Variants in ZNF517 observed in about 807,000 individuals in gnomAD.
The protein encoded by ZNF517 is zinc finger protein 517.
Under a neutral mutation model 12.1 loss-of-function variants are expected in ZNF517, and 12 were observed. The ratio of observed to expected loss-of-function variants is 0.99; its 90% confidence interval spans 0.63 to 1.61. ZNF517 has a LOEUF of 1.61. Among genes scored for constraint, ZNF517 ranks in the 40% most tolerant of loss-of-function variants. The probability of loss-of-function intolerance (pLI) is 0.00; values close to 1 mark genes in which losing one functional copy is unlikely to be tolerated. For missense variants in ZNF517, 781 were observed against 693.2 expected (o/e 1.13, Z -1.42); for synonymous variants, 388 against 310.2 (o/e 1.25, Z -2.63).
downstream of ZNF517, among the ~76,000 whole-genome samples, chr8:144,813,315 CAAAAAA>C (rs55851018): frequency 1.9e-5 from 2 of 103,914 alleles, no homozygotes; most frequent in Non-Finnish European, 1.9e-5. Flanking sequence ...GACTCTGTCT[CAAAAAA>C]AAAAAAAAAA....
chr8:144,800,726 C>CT, intron 1 of ZNF517: 1 of 981,632 alleles, frequency 1.0e-6, no homozygotes, highest in Non-Finnish European at 1.2e-6. Context: ...ATTCACGAAT[C>CT]TGTCTGATCC....
At chr8:144,806,565 A>G (rs1189651809) in intron 4 of ZNF517, among the ~76,000 whole-genome samples, 1 of 151,818 alleles carries the variant, frequency 6.6e-6, no homozygotes, top group East Asian at 1.9e-4. Flanking sequence ...GCTCACTGCA[A>G]CCTCCGCTTC....
chr8:144,801,774 G>A (rs1468288837), intron 1 of ZNF517, among the ~76,000 whole-genome samples: 1 of 152,190 alleles, frequency 6.6e-6, no homozygotes, highest in Non-Finnish European at 1.5e-5. Flanking sequence ...GCTCACACCT[G>A]TAATCCCAGC....
chr8:144,808,087 A>G lies in ZNF517; in HGVS notation c.1171A>G (p.Thr391Ala). The G allele has an allele frequency of 6.2e-7, 1 of 1,611,256 alleles. No homozygotes were observed. The highest frequency in any genetic ancestry group is 1.1e-5 in the South Asian group (1 of 90,874). ...GCTGCTGCTGCACCTGCGCCTACAC[A>G]CGGGCGAGAAGCCGTTCGAGTGCGC... ...SLLLLHLRLH[T>A]GEKPFECAEC... Residue 391 changes from threonine to alanine, a missense_variant, in exon 5 of 5, where the codon ACG becomes GCG. By Grantham distance (58) the Thr-to-Ala change is moderately conservative. Coordinates refer to ENST00000359971, the MANE Select transcript of ZNF517 (RefSeq NM_213605.3).
chr8:144,811,033 G>C (rs890746326), downstream of ZNF517: 2 of 152,312 alleles, frequency 1.3e-5, no homozygotes, highest in South Asian at 2.1e-4. Context: ...GCCTGGAGCC[G>C]TGAGGCCTTG....
In ZNF517 at chr8:144,807,810, C is replaced by T. The variant is rs528903804; in HGVS notation, c.894C>T (p.Phe298=). ...PFACTECGKA[F]CRRFTLNEHG... Reference sequence around the variant, plus strand: ...CGTGCACAGAGTGCGGCAAGGCGTTCTGCCGCAGGTTCACCCTCAACGAGC... The same window carrying T: ...CGTGCACAGAGTGCGGCAAGGCGTTTTGCCGCAGGTTCACCCTCAACGAGC... The change falls in exon 5 of 5, where the codon TTC becomes TTT. Residue 298 remains phenylalanine (F), a synonymous_variant. Transcript: ENST00000359971. 10 of 1,610,610 alleles carry T rather than the reference C, an allele frequency of 6.2e-6. No individual in the cohort carries two copies. Among genetic ancestry groups the T allele is most frequent in the African/African-American group, 2.7e-5 (2 of 74,916 alleles).
chr8:144,807,852 C>T lies in ZNF517; in HGVS notation c.936C>T (p.Ser312=), dbSNP rs199630389. 71 of 1,591,312 alleles carry T rather than the reference C, an allele frequency of 4.5e-5. No individual in the cohort carries two copies. Among genetic ancestry groups the T allele is most frequent in the Non-Finnish European group, 5.6e-5 (66 of 1,169,482 alleles). Residue 312 remains serine, a synonymous_variant, in exon 5 of 5, where the codon AGC becomes AGT. Transcript: ENST00000359971. ...FTLNEHGRIH[S]GERPYRCLRC... is the part of the protein sequence containing the mutation. ...TCAACGAGCACGGCCGCATCCACAG[C>T]GGGGAGCGGCCCTACCGGTGCCTGC...
In ZNF517 at chr8:144,807,872, G is replaced by C; in HGVS notation, c.956G>C (p.Cys319Ser). 1 of 1,570,606 alleles carries C rather than the reference G, an allele frequency of 6.4e-7. No homozygotes were observed. The highest frequency in any genetic ancestry group is 8.6e-7 in the Non-Finnish European group (1 of 1,159,986). Residue 319 changes from cysteine (C) to serine (S), a missense_variant, in exon 5 of 5, where the codon TGC becomes TCC. By Grantham distance (112) the Cys-to-Ser change is moderately radical (BLOSUM62 -1). Coordinates refer to ENST00000359971, the MANE Select transcript of ZNF517 (RefSeq NM_213605.3). ...CACAGCGGGGAGCGGCCCTACCGGT[G>C]CCTGCGGTGTGGGCAGCGCTTCATC... is the stretch of plus-strand genomic sequence containing the variant. Reference protein sequence around the residue: ...RIHSGERPYRCLRCGQRFIRG... With the variant: ...RIHSGERPYRSLRCGQRFIRG...
chr8:144,810,981 T>G (rs1827537342), downstream of ZNF517: 1 of 151,658 alleles, frequency 6.6e-6, no homozygotes, highest in Admixed American at 6.6e-5. Context: ...GGCAGGTACC[T>G]CCAACAGCCA....
intron 4 of ZNF517, among the ~76,000 whole-genome samples, chr8:144,806,105 G>C (rs777621303): frequency 6.6e-6 from 1 of 152,194 alleles, no homozygotes; most frequent in Non-Finnish European, 1.5e-5. Context: ...AGGCTTGCTT[G>C]CCCACAGGTT....
downstream of ZNF517, among the ~76,000 whole-genome samples, chr8:144,813,055 T>C (rs1273250946): frequency 6.6e-6 from 1 of 152,076 alleles, no homozygotes; most frequent in Non-Finnish European, 1.5e-5. Flanking sequence ...CAGTGGCTCA[T>C]ACCTGTAATA....
chr8:144,806,406 C>G (rs559236994), intron 4 of ZNF517, among the ~76,000 whole-genome samples: 152 of 152,294 alleles, frequency 1.0e-3, no homozygotes, highest in African/African-American at 3.5e-3. Context: ...TCCCCTTGAG[C>G]TAGCCTCCCA....
Position 144,808,003 on chromosome 8 carries a change from G to A in ZNF517, c.1087G>A (p.Ala363Thr). The A allele has an allele frequency of 6.4e-7, 1 of 1,566,802 alleles. No individual in the cohort carries two copies. Among genetic ancestry groups the A allele is most frequent in the Admixed American group, 1.9e-5 (1 of 53,864 alleles). ...ALLGAAQRPQ[A>T]GDPPHECPVC... ...GCTCGGAGCTGCGCAGAGGCCCCAG[G>A]CGGGGGACCCGCCCCACGAGTGCCC... is the stretch of plus-strand genomic sequence containing the variant. The change falls in exon 5 of 5, where the codon GCG (alanine) becomes ACG (threonine). Residue 363 changes from alanine to threonine, a missense_variant. Transcript: ENST00000359971.
intron 1 of ZNF517, chr8:144,800,459 T>C: frequency 1.0e-6 from 1 of 982,012 alleles, no homozygotes; most frequent in Middle Eastern, 5.3e-4. Flanking sequence ...AGTCCTACCC[T>C]AGTCCTGGGT....
At chr8:144,800,390 C>T (rs1826898500) in intron 1 of ZNF517, 1 of 760,280 alleles carries the variant, frequency 1.3e-6, no homozygotes, top group African/African-American at 1.9e-5. Flanking sequence ...TCCCTGAGGA[C>T]ATGCACTCCC....
In ZNF517 at chr8:144,803,772, G is replaced by A. The variant is rs188553491; in HGVS notation, c.160+5G>A. Reference sequence around the variant, plus strand: ...ATGGGAACCTGGCCTCACTAGGTGAGGGCTTCTGCCTTTGGTCCTGGGGCC... The same window carrying A: ...ATGGGAACCTGGCCTCACTAGGTGAAGGCTTCTGCCTTTGGTCCTGGGGCC... On this transcript the variant is annotated splice_donor_5th_base_variant and intron_variant, in intron 3 of 4. Coordinates refer to ENST00000359971, the MANE Select transcript of ZNF517 (RefSeq NM_213605.3). 3.7e-6 allele frequency: 6 copies of A among 1,613,252 alleles called. No homozygotes were observed. The African/African-American group carries it at 8.0e-5, about 21-fold the overall frequency.
At chr8:144,803,571 C>G in intron 2 of ZNF517, 70 bp from the exon 3 acceptor site, 1 of 1,590,182 alleles carries the variant, frequency 6.3e-7, no homozygotes, top group Non-Finnish European at 8.6e-7. Flanking sequence ...GCAGATCATG[C>G]AAATGTTTCT....
Position 144,807,675 on chromosome 8 carries a change from C to T in ZNF517, c.759C>T (p.Arg253=), listed in dbSNP as rs1161267155. The part of the protein sequence containing the change: ...RQSTQLAAHH[R]VHTRERPYAC... Reference sequence around the variant, plus strand: ...GCACGCAGCTGGCTGCCCACCACCGCGTCCACACCCGCGAGCGGCCCTACG... The same window carrying T: ...GCACGCAGCTGGCTGCCCACCACCGTGTCCACACCCGCGAGCGGCCCTACG... Residue 253 remains arginine (R), a synonymous_variant, in exon 5 of 5, where the codon CGC becomes CGT. Transcript: ENST00000359971. 8 of 1,607,220 alleles carry T rather than the reference C, an allele frequency of 5.0e-6. No homozygotes were observed. The highest frequency in any genetic ancestry group is 2.7e-5 in the African/African-American group (2 of 74,072).
rs540554518 is a variant in ZNF517 at position 144,803,934 on chromosome 8, A to C, written c.160+167A>C. On this transcript the variant is annotated intron_variant, in intron 3 of 4. Transcript: ENST00000359971. ...CTGTTGGGCACCCACTGCCAGCGTCAGCCTGCCTGAGGCTTCTCTCCTGGG... is the reference window on the plus strand; with the variant it reads ...CTGTTGGGCACCCACTGCCAGCGTCCGCCTGCCTGAGGCTTCTCTCCTGGG... 16 of 1,154,696 alleles carry C rather than the reference A, an allele frequency of 1.4e-5. No individual in the cohort carries two copies. In the Admixed American group the frequency reaches 3.9e-4, roughly 28 times the overall value. The allele number at this position is 1,154,696 out of a possible 1,614,324, so 71.5% of individuals were successfully genotyped here.
Sources: gnomAD v4.1 joint callset for allele counts (sites outside exome capture counted in the v4.1 genomes callset) on GRCh38, gnomAD v4.1.1 for gene constraint, MANE v1.5 for transcripts, NCBI Gene and HGNC (gene_info 2026-07-23, HGNC 2026-07-21) for gene names.